The following ABHD2 variants were observed in gnomAD, a reference collection of about 807,000 sequenced individuals.
The protein encoded by ABHD2 is abhydrolase domain containing 2, acylglycerol lipase.
In ABHD2, 20 loss-of-function variants were observed where a neutral mutation model predicts 48.1. The ratio of observed to expected loss-of-function variants is 0.42; its 90% CI spans 0.29 to 0.60. ABHD2 has a LOEUF of 0.60. Ranked by LOEUF, ABHD2 falls within the 20% of genes least tolerant of loss-of-function variation. ABHD2 has a pLI of 0.24. For synonymous variants in ABHD2, 209 were observed against 214.2 expected (o/e 0.98, Z 0.21); for missense variants, 405 against 550.9 (o/e 0.74, Z 2.65).
chr15:89,159,552 A>G (rs1472991811), intron 5 of ABHD2, among the ~76,000 whole-genome samples: 1 of 152,100 alleles, frequency 6.6e-6, no homozygotes, highest in Admixed American at 6.5e-5. Context: ...TGAGCTCCTA[A>G]ACAGAGGCAC....
intron 3 of ABHD2, among the ~76,000 whole-genome samples, chr15:89,138,021 G>T (rs2050342382): frequency 6.6e-6 from 1 of 152,214 alleles, no homozygotes; most frequent in Non-Finnish European, 1.5e-5. Context: ...CTGTTGACCT[G>T]CTGGCTTCAG....
At chr15:89,180,296 A>G (rs1363335970) in intron 6 of ABHD2, among the ~76,000 whole-genome samples, 1 of 151,020 alleles carries the variant, frequency 6.6e-6, no homozygotes, top group African/African-American at 2.4e-5. Context: ...TTTTTTTTTT[A>G]TCAGTATAAT....
intron 1 of ABHD2, among the ~76,000 whole-genome samples, chr15:89,109,823 G>C (rs903166254): frequency 6.6e-5 from 10 of 152,088 alleles, no homozygotes; most frequent in Admixed American, 2.0e-4. Flanking sequence ...ACTTACACAT[G>C]CTTCTACATT....
the ABHD2 span, among the ~76,000 whole-genome samples, chr15:89,062,312 C>T: frequency 6.6e-6 from 1 of 151,234 alleles, no homozygotes; most frequent in East Asian, 1.9e-4. Flanking sequence ...ATGTACCCTA[C>T]AGGTAAGACT....
In ABHD2 at chr15:89,116,415, G is replaced by T; in HGVS notation, c.88G>T (p.Val30Phe). Residue 30 changes from valine to phenylalanine, a missense_variant, in exon 3 of 11, where the codon GTC (valine) becomes TTC (phenylalanine). Coordinates refer to ENST00000352732, the MANE Select transcript of ABHD2 (RefSeq NM_152924.5). This position sits in a 1 kb window ranked among gnomAD's most constrained non-coding sequence, Gnocchi z 4.6. ...AGTGGCTGCTGTGCTGTACGTGATC[G>T]TCCGGTGTTTGAACCTGAAGAGCCC... ...AAVAAVLYVI[V>F]RCLNLKSPTA... 1 of 1,614,200 alleles carries T rather than the reference G, an allele frequency of 6.2e-7. No homozygotes were observed. Among genetic ancestry groups the T allele is most frequent in the Non-Finnish European group, 8.5e-7 (1 of 1,180,044 alleles).
chr15:89,201,641 G>A lies in ABHD2; in HGVS notation c.*6218G>A, dbSNP rs16949949. On this transcript the variant is annotated 3_prime_UTR_variant, in exon 11 of 11. Transcript: ENST00000352732. Reference sequence around the variant, plus strand: ...GCCTCACACAGTACCGGTGAGGCACGGTAGTCTTCACTTTGAAACACACTT... The same window carrying A: ...GCCTCACACAGTACCGGTGAGGCACAGTAGTCTTCACTTTGAAACACACTT... 17 of 1,599,556 alleles carry A rather than the reference G, an allele frequency of 1.1e-5. No homozygotes were observed. Among genetic ancestry groups the A allele is most frequent in the Admixed American group, 3.3e-5 (2 of 59,984 alleles).
the ABHD2 span, among the ~76,000 whole-genome samples, chr15:89,052,013 C>T: frequency 5.2e-4 from 79 of 152,172 alleles, no homozygotes; most frequent in Middle Eastern, 3.2e-3. Context: ...AGTGAAAGTT[C>T]ACATGCAAAT....
chr15:89,171,881 C>A (rs1269660660), intron 5 of ABHD2, among the ~76,000 whole-genome samples: 3 of 152,186 alleles, frequency 2.0e-5, no homozygotes, highest in Non-Finnish European at 4.4e-5. Context: ...CCCAGACGTT[C>A]TGACTTAATG....
In ABHD2 at chr15:89,120,390, CT is replaced by C. The variant is rs971196070; in HGVS notation, c.194+3878del. Among the ~76,000 whole-genome samples the C allele has an allele frequency of 7.6e-4, 115 of 151,356 alleles. No homozygotes were observed. The highest frequency in any genetic ancestry group is 2.6e-3 in the African/African-American group (109 of 41,206). ...CAAAAATCTAGATAGTCATACAAATCTTTTTTTTTCAATAAAAACTTTGATG... is the reference window on the plus strand; with the variant it reads ...CAAAAATCTAGATAGTCATACAAATCTTTTTTTTCAATAAAAACTTTGATG... On this transcript the variant is annotated intron_variant, in intron 3 of 10. Transcript: ENST00000352732. This position sits in a 1 kb window ranked among gnomAD's most constrained non-coding sequence, Gnocchi z 4.2.
At chr15:89,132,569 G>A (rs2150847656) in intron 3 of ABHD2, among the ~76,000 whole-genome samples, 1 of 152,334 alleles carries the variant, frequency 6.6e-6, no homozygotes, top group Admixed American at 6.5e-5. Context: ...CAAGGCTTGT[G>A]AGGATATGGG....
intron 3 of ABHD2, among the ~76,000 whole-genome samples, chr15:89,143,730 AATAGAG>A (rs1202745023): frequency 6.6e-6 from 1 of 152,152 alleles, no homozygotes; most frequent in Middle Eastern, 3.2e-3. Flanking sequence ...TAGAGATGAA[AATAGAG>A]ATAGAGTAGA....
At chr15:89,129,812 C>A (rs961981185) in intron 3 of ABHD2, among the ~76,000 whole-genome samples, 1 of 151,540 alleles carries the variant, frequency 6.6e-6, no homozygotes, top group Non-Finnish European at 1.5e-5. Context: ...AAAAGAACAG[C>A]ATGTAAGATG....
chr15:89,125,129 G>A (rs918902321), intron 3 of ABHD2, among the ~76,000 whole-genome samples: 5 of 151,926 alleles, frequency 3.3e-5, no homozygotes, highest in Non-Finnish European at 7.4e-5. Context: ...GGTGGCACAT[G>A]CCTGTAGTCC....
At chr15:89,048,334 T>G in the ABHD2 span, among the ~76,000 whole-genome samples, 1 of 152,166 alleles carries the variant, frequency 6.6e-6, no homozygotes, top group African/African-American at 2.4e-5. Flanking sequence ...CCTTAACATT[T>G]TTCCTTCATT....
chr15:89,101,667 C>A (rs1282663450), intron 1 of ABHD2, among the ~76,000 whole-genome samples: 1 of 152,184 alleles, frequency 6.6e-6, no homozygotes, highest in Non-Finnish European at 1.5e-5. Flanking sequence ...TGAATCATCA[C>A]TTTTATGCAG....
chr15:89,075,087 T>A, the ABHD2 span, among the ~76,000 whole-genome samples: 1 of 152,152 alleles, frequency 6.6e-6, no homozygotes, highest in East Asian at 1.9e-4. This position sits in a 1 kb window ranked among gnomAD's most constrained non-coding sequence, Gnocchi z 4.1. Flanking sequence ...TTCAATTCAA[T>A]TGAACAAGCG....
chr15:89,082,573 T>A (rs931810086), upstream of ABHD2: 3 of 152,340 alleles, frequency 2.0e-5, no homozygotes, highest in Non-Finnish European at 4.4e-5. The surrounding 1 kb of genome is among the most constrained non-coding windows in gnomAD (Gnocchi z 4.4). Context: ...CCAATTCAAA[T>A]CTCCAAGAAT....
chr15:89,080,941 A>G, the ABHD2 span, among the ~76,000 whole-genome samples: 2 of 151,860 alleles, frequency 1.3e-5, no homozygotes, highest in East Asian at 3.9e-4. Flanking sequence ...TTCACTTTAC[A>G]TAATGTCTTC....
intron 8 of ABHD2, among the ~76,000 whole-genome samples, chr15:89,190,866 C>G (rs2051291917): frequency 6.6e-6 from 1 of 152,138 alleles, no homozygotes; most frequent in Non-Finnish European, 1.5e-5. Context: ...CTGAACCTTG[C>G]TACCTGCATA....
Sources: gnomAD v4.1 joint callset for allele counts (sites outside exome capture counted in the v4.1 genomes callset) on GRCh38, gnomAD v4.1.1 for gene constraint, Gnocchi (gnomAD v3.1) non-coding constraint, MANE v1.5 for transcripts, NCBI Gene and HGNC (gene_info 2026-07-23, HGNC 2026-07-21) for gene names.